The following RANBP2 variants were observed in gnomAD, a reference collection of about 807,000 sequenced individuals.
RANBP2 encodes RAN binding protein 2.
In RANBP2, 57 loss-of-function variants were observed where a neutral mutation model predicts 303.6. The observed-to-expected ratio is 0.19, with a 90% CI of 0.15 to 0.23. The LOEUF is 0.23. RANBP2 is among the 10% of genes least tolerant of loss of function. The probability of loss-of-function intolerance (pLI) is 1.00; values close to 1 mark genes in which losing one functional copy is unlikely to be tolerated. For synonymous variants in RANBP2, 1,167 were observed against 1,301.5 expected, an observed-to-expected ratio of 0.90 and a Z score of 2.23; for missense variants, 3,138 against 3,780.8, an observed-to-expected ratio of 0.83 and a Z score of 4.46.
chr2:108,915,860 G>GCC, the RANBP2 span, among the ~76,000 whole-genome samples: 1 of 151,950 alleles, frequency 6.6e-6, no homozygotes, highest in Admixed American at 6.6e-5. Context: ...CCACGCCATT[G>GCC]CACTCCATGC....
chr2:109,521,538 C>G, the RANBP2 span, among the ~76,000 whole-genome samples: 1 of 152,240 alleles, frequency 6.6e-6, no homozygotes, highest in Non-Finnish European at 1.5e-5. Context: ...AGTAGATGAT[C>G]ACACGGAGCT....
the RANBP2 span, among the ~76,000 whole-genome samples, chr2:109,315,875 A>G: frequency 2.0e-5 from 3 of 152,164 alleles, no homozygotes; most frequent in Middle Eastern, 3.2e-3. Context: ...CATCAAAGCC[A>G]CCAGTTCCCA....
chr2:109,510,794 T>C, the RANBP2 span, among the ~76,000 whole-genome samples: 1 of 152,158 alleles, frequency 6.6e-6, no homozygotes, highest in Non-Finnish European at 1.5e-5. Flanking sequence ...GGGCCCATGC[T>C]GGGTGACTGC....
chr2:109,717,022 AT>A, the RANBP2 span, among the ~76,000 whole-genome samples: 2 of 152,080 alleles, frequency 1.3e-5, no homozygotes, highest in Non-Finnish European at 2.9e-5. Flanking sequence ...CCCAAATTTT[AT>A]TTTCCTTTCA....
the RANBP2 span, among the ~76,000 whole-genome samples, chr2:109,158,821 T>C: frequency 6.6e-5 from 10 of 152,242 alleles, no homozygotes; most frequent in Non-Finnish European, 1.3e-4. Context: ...AGCCCTGGTC[T>C]ACATGCTTTA....
chr2:108,956,786 T>C, the RANBP2 span, among the ~76,000 whole-genome samples: 4 of 125,670 alleles, frequency 3.2e-5, no homozygotes, highest in South Asian at 2.3e-4. Context: ...AAAGCTCTCT[T>C]TTTTTTTTTG....
At chr2:108,975,925 C>A in the RANBP2 span, among the ~76,000 whole-genome samples, 28 of 152,292 alleles carry the variant, frequency 1.8e-4, no homozygotes, top group African/African-American at 6.0e-4. Flanking sequence ...CAAGGGATTT[C>A]TTCTGCTTTA....
chr2:108,815,203 A>G, the RANBP2 span, among the ~76,000 whole-genome samples: 1 of 152,278 alleles, frequency 6.6e-6, no homozygotes, highest in East Asian at 1.9e-4. Context: ...AGAGAAAGAT[A>G]AGTTTCATAG....
At chr2:109,114,962 C>T in the RANBP2 span, among the ~76,000 whole-genome samples, 2 of 152,170 alleles carry the variant, frequency 1.3e-5, no homozygotes, top group Non-Finnish European at 2.9e-5. Flanking sequence ...TTTCTTAACC[C>T]TGAGTTCTGG....
the RANBP2 span, among the ~76,000 whole-genome samples, chr2:109,177,639 G>A: frequency 1.8e-3 from 279 of 152,084 alleles, no homozygotes; most frequent in African/African-American, 5.8e-3. Flanking sequence ...GAGGGTGAGG[G>A]GAGAGATGAT....
At chr2:108,804,916 A>C in the RANBP2 span, 1 of 1,565,622 alleles carries the variant, frequency 6.4e-7, no homozygotes, top group East Asian at 2.3e-5. Context: ...TGAACACTTA[A>C]CCGAAGTTCT....
At chr2:109,794,809 G>GGCTTGTTCCCGAC in the RANBP2 span, 1 of 226,982 alleles carries the variant, frequency 4.4e-6, no homozygotes, top group Non-Finnish European at 5.2e-6. Context: ...TCTTAATCCC[G>GGCTTGTTCCCGAC]GCTTGTTCCC....
the RANBP2 span, among the ~76,000 whole-genome samples, chr2:109,050,311 T>A: frequency 6.6e-6 from 1 of 152,072 alleles, no homozygotes; most frequent in Non-Finnish European, 1.5e-5. Context: ...TAGAGTACAG[T>A]GGTGCAATCA....
chr2:109,603,466 C>T, the RANBP2 span, among the ~76,000 whole-genome samples: 1 of 152,042 alleles, frequency 6.6e-6, no homozygotes, highest in African/African-American at 2.4e-5. Flanking sequence ...GTCTCAATCT[C>T]CTGACCTCGT....
At chr2:109,483,718 G>A in the RANBP2 span, among the ~76,000 whole-genome samples, 1 of 152,220 alleles carries the variant, frequency 6.6e-6, no homozygotes, top group Non-Finnish European at 1.5e-5. Context: ...TCTTGTGGCT[G>A]TCACCCAGCT....
At chr2:108,794,706 A>G in the RANBP2 span, 2 of 1,603,636 alleles carry the variant, frequency 1.2e-6, no homozygotes, top group Non-Finnish European at 1.7e-6. Flanking sequence ...TATTTCAGAT[A>G]CATCTGAAAT....
chr2:109,386,273 A>G, the RANBP2 span, among the ~76,000 whole-genome samples: 8 of 152,166 alleles, frequency 5.3e-5, no homozygotes, highest in Non-Finnish European at 1.0e-4. Flanking sequence ...GGATCTCCCT[A>G]TCCGTTAGAG....
chr2:108,987,257 C>T, the RANBP2 span, among the ~76,000 whole-genome samples: 5,384 of 152,344 alleles, frequency 0.035, 319 homozygotes, highest in African/African-American at 0.12. Flanking sequence ...CAGAAAGGAG[C>T]GTCAGGTAAC....
the RANBP2 span, among the ~76,000 whole-genome samples, chr2:109,175,249 T>C: frequency 6.6e-6 from 1 of 152,212 alleles, no homozygotes; most frequent in African/African-American, 2.4e-5. Context: ...TTTCCTTGCC[T>C]GGCACTTGTA....
Sources: allele counts gnomAD v4.1 joint callset (sites outside exome capture counted in the v4.1 genomes callset), GRCh38; gene constraint gnomAD v4.1.1; transcripts MANE v1.5; gene names NCBI Gene and HGNC (gene_info 2026-07-23, HGNC 2026-07-21).